Variants in HP1BP3 observed in about 807,000 individuals in gnomAD.
HP1BP3 encodes the protein heterochromatin protein 1 binding protein 3.
HP1BP3 carries 12 observed loss-of-function variants against 62.5 expected under a neutral mutation model. The observed-to-expected ratio is 0.19, with a 90% CI of 0.12 to 0.31. The LOEUF (loss-of-function observed/expected upper bound fraction) is 0.31. Among genes scored for constraint, HP1BP3 ranks in the 10% least tolerant of loss-of-function variants. The probability of loss-of-function intolerance (pLI) is 1.00; values close to 1 mark genes in which losing one functional copy is unlikely to be tolerated. For missense variants in HP1BP3, 502 were observed against 651.8 expected, an observed-to-expected ratio of 0.77 and a Z score of 2.50; for synonymous variants, 260 against 237.8, an observed-to-expected ratio of 1.09 and a Z score of -0.86.
At chr1:20,779,045 C>T (rs2057427188) in intron 3 of HP1BP3, among the ~76,000 whole-genome samples, 1 of 152,284 alleles carries the variant, frequency 6.6e-6, no homozygotes, top group South Asian at 2.1e-4. Context: ...CCTCCTTGGC[C>T]TCCCAAAGTG....
chr1:20,745,077 G>C lies in HP1BP3; in HGVS notation c.1382C>G (p.Thr461Ser), dbSNP rs941911423. The C allele has an allele frequency of 1.2e-6, 2 of 1,607,698 alleles. No homozygotes were observed. Among genetic ancestry groups the C allele is most frequent in the East Asian group, 4.5e-5 (2 of 44,842 alleles). Residue 461 changes from threonine to serine, a missense_variant, in exon 13 of 13, where the codon ACC becomes AGC. Physicochemically the swap from Thr to Ser is moderately conservative, Grantham distance 58. Transcript: ENST00000438032. Reference sequence around the variant, plus strand: ...GGCCTTCCCTGGGGACTTGGCTGGGGTTTTCTTCTGCAACCTGTGAGAACC... The same window carrying C: ...GGCCTTCCCTGGGGACTTGGCTGGGCTTTTCTTCTGCAACCTGTGAGAACC... ...PPPKRRLQKK[T>S]PAKSPGKAAS...
intron 9 of HP1BP3, chr1:20,755,278 C>T (rs930754265): frequency 4.4e-5 from 17 of 383,462 alleles, no homozygotes; most frequent in Non-Finnish European, 8.8e-5. Flanking sequence ...TGGAGAAACT[C>T]GAGCCCTGGT....
In HP1BP3 at chr1:20,765,976, A is replaced by C. The variant is rs2056763134; in HGVS notation, c.736-445T>G. 2.6e-5 allele frequency among the ~76,000 whole-genome samples: 4 copies of C among 151,152 alleles called. No homozygotes were observed. In the South Asian group the frequency reaches 6.3e-4, roughly 24 times the overall value. ...CGAGACTCCGTCTCAAAAAAAAAAA[A>C]AAACAAAAAAAACACAACAAAACAA... is the stretch of plus-strand genomic sequence containing the variant. On this transcript the variant is annotated intron_variant, in intron 7 of 12. Transcript: ENST00000438032.
In HP1BP3 at chr1:20,749,644, C is replaced by A. The variant is rs1274857919; in HGVS notation, c.1141+79G>T. 2.2e-6 allele frequency: 3 copies of A among 1,380,050 alleles called. No individual in the cohort carries two copies. In the African/African-American group the frequency reaches 4.3e-5, roughly 20 times the overall value. 85.5% of individuals were successfully genotyped at this position (1,380,050 alleles called of 1,614,324 possible). On this transcript the variant is annotated intron_variant, in intron 10 of 12. Transcript: ENST00000438032. ...AAAGTGCTGGGATTACAGGCGTGAGCCACAGTGCCTGGCCCTCCACGGTTT... is the reference window on the plus strand; with the variant it reads ...AAAGTGCTGGGATTACAGGCGTGAGACACAGTGCCTGGCCCTCCACGGTTT...
chr1:20,785,742 G>A (rs1435857637), intron 1 of HP1BP3, among the ~76,000 whole-genome samples: 2 of 152,050 alleles, frequency 1.3e-5, no homozygotes, highest in African/African-American at 2.4e-5. Context: ...TTCCAAGCAA[G>A]CTTAAAAACA....
At chr1:20,776,444 A>G (rs1362366346) in intron 4 of HP1BP3, 153 bp downstream of exon 4, 5 of 669,152 alleles carry the variant, frequency 7.5e-6, no homozygotes, top group Non-Finnish European at 1.3e-5. Context: ...AAACAACTAT[A>G]TAATAAACCT....
At position 20,757,188 on chromosome 1, in the gene HP1BP3, T is replaced by C. The variant is rs1239881127; in HGVS notation, c.959A>G (p.Lys320Arg). Reference sequence around the variant, plus strand: ...AACCTGGAATGTCCCCGAAGCACCTTTGCCAGTTATCTGTTCTAACTGGCC... The same window carrying C: ...AACCTGGAATGTCCCCGAAGCACCTCTGCCAGTTATCTGTTCTAACTGGCC... ...ERGQLEQITG[K>R]GASGTFQLKK... The change falls in exon 9 of 13, where the codon AAA becomes AGA. Residue 320 changes from lysine (K) to arginine (R), a missense_variant. By Grantham distance (26) the Lys-to-Arg change is conservative. Around this residue, in one of 5 missense-constraint regions of HP1BP3, gnomAD observed 111 missense variants for 242.0 expected, o/e 0.46. Transcript: ENST00000438032. The C allele has an allele frequency of 2.1e-5, 34 of 1,612,138 alleles. No homozygotes were observed. Among genetic ancestry groups the C allele is most frequent in the Non-Finnish European group, 2.8e-5 (33 of 1,178,674 alleles).
chr1:20,774,371 C>T (rs2057202562), intron 4 of HP1BP3: 1 of 149,836 alleles, frequency 6.7e-6, no homozygotes, highest in South Asian at 2.1e-4. Context: ...CAAACACACC[C>T]ACACCCACAC....
At chr1:20,745,507 G>A (rs760781362) in intron 12 of HP1BP3, 36 bp downstream of exon 12, 2 of 1,606,948 alleles carry the variant, frequency 1.2e-6, no homozygotes, top group East Asian at 4.5e-5. Flanking sequence ...GAGGTATTTA[G>A]TGTCCTCCCC....
rs533475876 is a variant in HP1BP3, at chr1:20,742,539, A to G, written c.*2258T>C. 6.6e-6 allele frequency: 1 copy of G among 152,562 alleles called. No homozygotes were observed. Among genetic ancestry groups the G allele is most frequent in the Non-Finnish European group, 1.5e-5 (1 of 68,030 alleles). 9.5% of individuals were successfully genotyped at this position (152,562 alleles called of 1,614,324 possible). On this transcript the variant is annotated 3_prime_UTR_variant, in exon 13 of 13. Transcript: ENST00000438032. ...ACCCTCTATAAGAATTCCAAAACAC[A>G]TGAACTGGAGCTTGTATTTAAAAAG...
At chr1:20,760,154 T>C (rs2056381986) in intron 8 of HP1BP3, among the ~76,000 whole-genome samples, 1 of 152,154 alleles carries the variant, frequency 6.6e-6, no homozygotes, top group Non-Finnish European at 1.5e-5. Flanking sequence ...CCCAAAGTGC[T>C]GGGATTACAG....
intron 7 of HP1BP3, among the ~76,000 whole-genome samples, chr1:20,766,989 T>TATACC (rs2056817649): frequency 6.6e-6 from 1 of 151,134 alleles, no homozygotes. Flanking sequence ...AGAGGACTCT[T>TATACC]ATACCTCCTC....
At chr1:20,751,461 A>T (rs188163659) in intron 9 of HP1BP3, among the ~76,000 whole-genome samples, 1 of 152,126 alleles carries the variant, frequency 6.6e-6, no homozygotes, top group Non-Finnish European at 1.5e-5. Flanking sequence ...ACGGTAGTTC[A>T]TATCTGTAAT....
chr1:20,772,817 A>G (rs2057119138), intron 5 of HP1BP3, among the ~76,000 whole-genome samples: 1 of 152,252 alleles, frequency 6.6e-6, no homozygotes, highest in Admixed American at 6.5e-5. Flanking sequence ...GTCAAATTAG[A>G]AGATAACCTT....
chr1:20,760,361 G>C (rs2056395460), intron 8 of HP1BP3, among the ~76,000 whole-genome samples: 2 of 152,082 alleles, frequency 1.3e-5, no homozygotes, highest in African/African-American at 2.4e-5. Flanking sequence ...AATGTAGGGA[G>C]ATTCTGTCTC....
chr1:20,763,886 A>G (rs766060212), intron 8 of HP1BP3, among the ~76,000 whole-genome samples: 7 of 152,200 alleles, frequency 4.6e-5, no homozygotes, highest in Admixed American at 3.3e-4. Context: ...ATGTATGTAC[A>G]TATGTATGCA....
chr1:20,784,743 T>C (rs1327269670), intron 1 of HP1BP3, among the ~76,000 whole-genome samples: 1 of 152,220 alleles, frequency 6.6e-6, no homozygotes, highest in African/African-American at 2.4e-5. Context: ...CCCAAAGGGC[T>C]GGGATTACAG....
chr1:20,746,186 A>ATGTG lies in HP1BP3; in HGVS notation c.1254-534_1254-531dup, dbSNP rs35710978. Among the ~76,000 whole-genome samples, 408 of 143,234 alleles carry ATGTG rather than the reference A, an allele frequency of 2.8e-3. 1 individual carries two copies. Among genetic ancestry groups the ATGTG allele is most frequent in the African/African-American group, 7.9e-3 (294 of 37,142 alleles). The allele number at this position is 143,234 out of a possible 152,430, so 94.0% of individuals were successfully genotyped here. On this transcript the variant is annotated intron_variant, in intron 11 of 12. Transcript: ENST00000438032. ...CTTAAATGATAACATACATACATAT[A>ATGTG]TGTGTGTGTGTGTGTGTGTGTGTGT... is the stretch of plus-strand genomic sequence containing the variant.
chr1:20,761,240 T>C (rs924326469), intron 8 of HP1BP3, among the ~76,000 whole-genome samples: 1 of 151,908 alleles, frequency 6.6e-6, no homozygotes, highest in Non-Finnish European at 1.5e-5. Flanking sequence ...AGAGATGGGG[T>C]TTCACCATGT....
Sources: allele counts gnomAD v4.1 joint callset (sites outside exome capture counted in the v4.1 genomes callset), GRCh38; gene constraint gnomAD v4.1.1; regional missense constraint gnomAD v4.1.1; transcripts MANE v1.5; gene names NCBI Gene and HGNC (gene_info 2026-07-23, HGNC 2026-07-21).